PCDH11Y: variants seen among roughly 807,000 people sequenced by gnomAD.
The protein encoded by PCDH11Y is protocadherin 11 Y-linked, also known as protocadherin-11 Y-linked.
For missense variants in PCDH11Y, 12 were observed against 224.8 expected (o/e 0.05, Z 6.05); for synonymous variants, 9 against 83.6 (o/e 0.11, Z 4.87).
chrY:5,336,396 G>A (rs1334487287), intron 2 of PCDH11Y, among the ~76,000 whole-genome samples: 1 of 30,745 alleles, frequency 3.3e-5, no homozygotes, highest in Non-Finnish European at 7.8e-5. Context: ...TCAGCCTCCC[G>A]AGTAGCTGGG....
At chrY:5,168,160 C>T (rs2052882173) in intron 2 of PCDH11Y, among the ~76,000 whole-genome samples, 1 of 30,901 alleles carries the variant, frequency 3.2e-5, no homozygotes, top group East Asian at 9.0e-4. Context: ...TTTAGTTGAT[C>T]CCTTAAAATC....
intron 2 of PCDH11Y, among the ~76,000 whole-genome samples, chrY:5,267,453 G>A (rs1602896832): frequency 3.2e-5 from 1 of 30,777 alleles, no homozygotes; most frequent in African/African-American, 1.3e-4. Flanking sequence ...TCATCCACCC[G>A]CCTCAGCCTC....
chrY:5,475,536 C>T, intron 2 of PCDH11Y, among the ~76,000 whole-genome samples: 1 of 31,441 alleles, frequency 3.2e-5, no homozygotes. Context: ...ACTACTCAGT[C>T]TCGGTGTGTA....
chrY:5,345,743 A>C (rs2053151627), intron 2 of PCDH11Y, among the ~76,000 whole-genome samples: 2 of 29,498 alleles, frequency 6.8e-5, no homozygotes, highest in African/African-American at 2.7e-4. Flanking sequence ...GGTTCACTGC[A>C]ACCTCTGCCT....
chrY:5,115,827 G>C, intron 2 of PCDH11Y, among the ~76,000 whole-genome samples: 1 of 21,604 alleles, frequency 4.6e-5, no homozygotes, highest in Non-Finnish European at 9.7e-5. Flanking sequence ...TGCAAGCTCC[G>C]CCTCCCGGGT....
rs1177878124 is a variant in PCDH11Y at position 5,113,356 on chromosome Y, G to A, written c.3129+12649G>A. On this transcript the variant is annotated intron_variant, in intron 2 of 4. Transcript: ENST00000400457. The stretch of plus-strand genomic sequence containing the variant: ...TCATATTTACTAAAGTTTTAGTTTC[G>A]TGCGTTTTATTGTATTAACATTTTT... Among the ~76,000 whole-genome samples, 6 of 34,091 alleles carry A rather than the reference G, an allele frequency of 1.8e-4. No homozygotes were observed. The East Asian group carries it at 3.8e-3, about 21-fold the overall frequency. The allele number at this position is 34,091 out of a possible 37,273, so 91.5% of individuals were successfully genotyped here.
chrY:5,094,398 G>A, intron 1 of PCDH11Y, among the ~76,000 whole-genome samples: 5 of 31,824 alleles, frequency 1.6e-4, no homozygotes, highest in Non-Finnish European at 3.1e-4. Flanking sequence ...ATACTTTGAC[G>A]TCAACTTAGA....
intron 2 of PCDH11Y, among the ~76,000 whole-genome samples, chrY:5,239,556 C>G: frequency 1.9e-4 from 6 of 32,283 alleles, no homozygotes; most frequent in Non-Finnish European, 4.5e-4. Flanking sequence ...CACATGTACC[C>G]TAAAACTTAA....
chrY:5,455,360 C>T, intron 2 of PCDH11Y, among the ~76,000 whole-genome samples: 1 of 33,437 alleles, frequency 3.0e-5, no homozygotes, highest in African/African-American at 1.2e-4. Flanking sequence ...AACTATTTAA[C>T]CAGTCTCTAA....
chrY:5,481,120 G>A, intron 2 of PCDH11Y, among the ~76,000 whole-genome samples: 6 of 32,460 alleles, frequency 1.8e-4, no homozygotes, highest in East Asian at 8.1e-4. Flanking sequence ...CAGCTAGGTC[G>A]GTGCCTGCCC....
chrY:5,552,660 T>C, intron 3 of PCDH11Y, among the ~76,000 whole-genome samples: 1 of 33,081 alleles, frequency 3.0e-5, no homozygotes, highest in Non-Finnish European at 7.5e-5. Flanking sequence ...AAAATATATC[T>C]AGGAAAGTAT....
At chrY:5,474,440 G>T (rs2124684990) in intron 2 of PCDH11Y, among the ~76,000 whole-genome samples, 1 of 22,787 alleles carries the variant, frequency 4.4e-5, no homozygotes, top group Admixed American at 4.3e-4. Context: ...TGGCATTCTT[G>T]ATAAAAATCA....
chrY:5,385,325 G>A (rs2053212642), intron 2 of PCDH11Y, among the ~76,000 whole-genome samples: 1 of 29,335 alleles, frequency 3.4e-5, no homozygotes, highest in South Asian at 8.3e-4. Context: ...GAGTCCCAAA[G>A]TCCGCTGCAT....
At chrY:5,281,257 T>C in intron 2 of PCDH11Y, among the ~76,000 whole-genome samples, 7 of 31,855 alleles carry the variant, frequency 2.2e-4, no homozygotes, top group African/African-American at 8.5e-4. Flanking sequence ...CATTTAAGTC[T>C]TTTACCCAAC....
At chrY:5,289,334 G>GT (rs2053064556) in intron 2 of PCDH11Y, among the ~76,000 whole-genome samples, 1 of 33,499 alleles carries the variant, frequency 3.0e-5, no homozygotes, top group African/African-American at 1.2e-4. Flanking sequence ...ATTTTTTGTT[G>GT]TTTTTTGTTT....
chrY:5,707,416 T>TTG (rs2053583725), intron 4 of PCDH11Y, among the ~76,000 whole-genome samples: 2 of 27,983 alleles, frequency 7.1e-5, no homozygotes, highest in African/African-American at 1.4e-4. Context: ...TTTCATATAC[T>TTG]TGTGTGTGTG....
chrY:5,723,134 G>A, intron 4 of PCDH11Y, among the ~76,000 whole-genome samples: 1 of 31,168 alleles, frequency 3.2e-5, no homozygotes, highest in Non-Finnish European at 7.8e-5. Context: ...ACAAAGATAG[G>A]TAGAAGCAAA....
At chrY:5,452,784 A>C (rs2053294462) in intron 2 of PCDH11Y, among the ~76,000 whole-genome samples, 1 of 33,271 alleles carries the variant, frequency 3.0e-5, no homozygotes, top group Non-Finnish European at 7.4e-5. Flanking sequence ...ATAGAAACAC[A>C]CAAGCCTGGA....
chrY:5,389,634 T>A, intron 2 of PCDH11Y, among the ~76,000 whole-genome samples: 1 of 32,005 alleles, frequency 3.1e-5, no homozygotes, highest in East Asian at 8.3e-4. Flanking sequence ...GGGAGGTGAC[T>A]GACTTATGGG....
Sources: allele counts gnomAD v4.1 joint callset (sites outside exome capture counted in the v4.1 genomes callset), GRCh38; gene constraint gnomAD v4.1.1; transcripts MANE v1.5; gene names NCBI Gene and HGNC (gene_info 2026-07-23, HGNC 2026-07-21).